SEC24B: variants seen among roughly 807,000 people sequenced by gnomAD.
SEC24B encodes the protein protein transport protein Sec24B.
In SEC24B, 45 loss-of-function variants were observed where a neutral mutation model predicts 142.8. That is an observed-to-expected ratio of 0.32 (90% confidence interval 0.25 to 0.40). SEC24B has a LOEUF of 0.40. SEC24B is among the 10% of genes least tolerant of loss of function. The probability of loss-of-function intolerance (pLI) is 1.00; values close to 1 mark genes in which losing one functional copy is unlikely to be tolerated. For synonymous variants in SEC24B, 574 were observed against 568.2 expected, an observed-to-expected ratio of 1.01 and a Z score of -0.15; for missense variants, 1,409 against 1,526.8, an observed-to-expected ratio of 0.92 and a Z score of 1.29.
intron 6 of SEC24B, among the ~76,000 whole-genome samples, chr4:109,499,386 G>A (rs1276378314): frequency 2.0e-5 from 3 of 151,992 alleles, no homozygotes; most frequent in Non-Finnish European, 2.9e-5. Context: ...AGCTTGGTGT[G>A]CTTCTGTGAT....
chr4:109,474,005 G>C (rs1732807887), intron 3 of SEC24B, among the ~76,000 whole-genome samples: 1 of 152,142 alleles, frequency 6.6e-6, no homozygotes, highest in Admixed American at 6.5e-5. Flanking sequence ...CTGAAACTGA[G>C]AAAAGGAAAA....
intron 1 of SEC24B, among the ~76,000 whole-genome samples, chr4:109,452,427 T>C (rs1456771238): frequency 6.6e-6 from 1 of 152,248 alleles, no homozygotes; most frequent in Non-Finnish European, 1.5e-5. Context: ...GCAGCTCACT[T>C]AGGTAAATAA....
chr4:109,481,445 A>C (rs1449176168), intron 3 of SEC24B, among the ~76,000 whole-genome samples: 1 of 152,246 alleles, frequency 6.6e-6, no homozygotes, highest in Non-Finnish European at 1.5e-5. Context: ...AATACATGAT[A>C]GATACCTTTT....
chr4:109,489,632 G>GGT, intron 4 of SEC24B, among the ~76,000 whole-genome samples: 1 of 144,086 alleles, frequency 6.9e-6, no homozygotes, highest in East Asian at 2.0e-4. Context: ...TAATATATAT[G>GGT]GTATATATAT....
chr4:109,535,529 C>T (rs1266126606), intron 22 of SEC24B, among the ~76,000 whole-genome samples: 3 of 150,720 alleles, frequency 2.0e-5, no homozygotes, highest in East Asian at 4.0e-4. Flanking sequence ...GCACTCCAAC[C>T]TGGACGACAG....
intron 4 of SEC24B, among the ~76,000 whole-genome samples, chr4:109,487,106 A>G (rs1403111713): frequency 1.3e-5 from 2 of 150,320 alleles, no homozygotes; most frequent in East Asian, 3.9e-4. Context: ...CAGAGGTTGC[A>G]GTGAGCTGAG....
chr4:109,438,185 G>A (rs1055600643), intron 1 of SEC24B, among the ~76,000 whole-genome samples: 3 of 152,200 alleles, frequency 2.0e-5, no homozygotes, highest in African/African-American at 7.2e-5. Flanking sequence ...TGTTCACGTT[G>A]TATAATAAGA....
chr4:109,503,163 G>A (rs533590684), intron 6 of SEC24B, among the ~76,000 whole-genome samples: 3 of 150,524 alleles, frequency 2.0e-5, no homozygotes, highest in African/African-American at 2.4e-5. Flanking sequence ...AGATTCAAGC[G>A]ATTCTCCTGC....
At chr4:109,535,604 T>G (rs1725444862) in intron 22 of SEC24B, among the ~76,000 whole-genome samples, 1 of 151,324 alleles carries the variant, frequency 6.6e-6, no homozygotes, top group African/African-American at 2.4e-5. Context: ...ATCCCAGCAC[T>G]TTGGGAGGCC....
intron 5 of SEC24B, among the ~76,000 whole-genome samples, 177 bp from the exon 6 acceptor site, chr4:109,494,438 A>G (rs558647181): frequency 6.6e-6 from 1 of 152,364 alleles, no homozygotes; most frequent in African/African-American, 2.4e-5. Context: ...ATTGAAGCTT[A>G]GTGATAAGTA....
intron 11 of SEC24B, among the ~76,000 whole-genome samples, chr4:109,517,124 T>C (rs1052800209): frequency 6.6e-6 from 1 of 152,188 alleles, no homozygotes; most frequent in East Asian, 1.9e-4. Flanking sequence ...TTGGAATATA[T>C]CCAAAGAAAA....
intron 2 of SEC24B, among the ~76,000 whole-genome samples, chr4:109,464,491 C>G (rs937390609): frequency 2.6e-5 from 4 of 152,156 alleles, no homozygotes; most frequent in Non-Finnish European, 5.9e-5. Context: ...CCAAGCTGGT[C>G]TCGAACACGC....
chr4:109,433,973 G>C lies in SEC24B; in HGVS notation c.104G>C (p.Gly35Ala), dbSNP rs574733736. 54 of 1,215,912 alleles carry C rather than the reference G, an allele frequency of 4.4e-5. 1 individual carries two copies. The South Asian group carries it at 1.2e-3, about 27-fold the overall frequency. 75.3% of individuals were successfully genotyped at this position (1,215,912 alleles called of 1,614,324 possible). ...GGAGCCGCAGCGCCCGCGGGCCCGG[G>C]TGCGGGCCCGGCGCCGCACCAGCAG... The part of the protein sequence containing the change: ...VSGAAAPAGP[G>A]AGPAPHQQNG... The change falls in exon 1 of 24, where the codon GGT becomes GCT. Residue 35 changes from glycine (G) to alanine (A), a missense_variant. Coordinates refer to ENST00000265175, the MANE Select transcript of SEC24B (RefSeq NM_006323.5).
In SEC24B at chr4:109,535,449, G is replaced by A. The variant is rs193070771; in HGVS notation, c.3588+1764G>A. 8.8e-3 allele frequency among the ~76,000 whole-genome samples: 1,340 copies of A among 151,892 alleles called. 24 individuals are homozygous for A. The highest frequency in any genetic ancestry group is 0.031 in the African/African-American group (1,264 of 41,408). On this transcript the variant is annotated intron_variant, in intron 22 of 23. Transcript: ENST00000265175. ...CGGGTGCCAGTAGTCCCAGCTACTCGGGAGGCTGAAGTAGGAGAACCACTT... is the reference window on the plus strand; with the variant it reads ...CGGGTGCCAGTAGTCCCAGCTACTCAGGAGGCTGAAGTAGGAGAACCACTT...
chr4:109,526,454 A>C, intron 17 of SEC24B, 55 bp downstream of exon 17: 1 of 1,370,382 alleles, frequency 7.3e-7, no homozygotes, highest in Non-Finnish European at 1.0e-6. Flanking sequence ...CCCTCCTTTC[A>C]CATGGCCTTT....
At chr4:109,532,872 G>GT in intron 21 of SEC24B, 129 bp downstream of exon 21, 6 of 569,852 alleles carry the variant, frequency 1.1e-5, no homozygotes, top group Non-Finnish European at 1.9e-5. Context: ...GCTGAAATTG[G>GT]TAACTAGCAC....
At chr4:109,532,836 T>C (rs879521866) in intron 21 of SEC24B, 93 bp downstream of exon 21, 59 of 632,506 alleles carry the variant, frequency 9.3e-5, no homozygotes, top group Middle Eastern at 5.1e-4. Context: ...ACAGAGCAAG[T>C]AGTGAAAGGT....
intron 6 of SEC24B, among the ~76,000 whole-genome samples, chr4:109,503,211 C>T (rs1370139752): frequency 6.6e-6 from 1 of 151,460 alleles, no homozygotes; most frequent in Non-Finnish European, 1.5e-5. Context: ...AGGCATGTGC[C>T]ACTACGCCTG....
chr4:109,513,339 A>AGTG (rs1737578900), intron 9 of SEC24B, among the ~76,000 whole-genome samples: 1 of 147,188 alleles, frequency 6.8e-6, no homozygotes, highest in African/African-American at 2.5e-5. Context: ...GCTGGAGTGC[A>AGTG]GTGGTGTAAT....
Sources: gnomAD v4.1 joint callset for allele counts (sites outside exome capture counted in the v4.1 genomes callset) on GRCh38, gnomAD v4.1.1 for gene constraint, MANE v1.5 for transcripts, NCBI Gene and HGNC (gene_info 2026-07-23, HGNC 2026-07-21) for gene names.